CAMK2G: variants seen among roughly 807,000 people sequenced by gnomAD.
The protein encoded by CAMK2G is calcium/calmodulin dependent protein kinase II gamma, also known as calcium/calmodulin-dependent protein kinase type II subunit gamma.
Under a neutral mutation model 88.7 loss-of-function variants are expected in CAMK2G, and 23 were observed. The observed-to-expected ratio is 0.26, with a 90% CI of 0.19 to 0.37. CAMK2G has a LOEUF of 0.37. Among genes scored for constraint, CAMK2G ranks in the 10% least tolerant of loss-of-function variants. The pLI, the probability that CAMK2G is intolerant of heterozygous loss-of-function variation, is 1.00. For missense variants in CAMK2G, 476 were observed against 780.8 expected (o/e 0.61, Z 4.65); for synonymous variants, 263 against 294.8 (o/e 0.89, Z 1.11).
intron 1 of CAMK2G, 29 bp downstream of exon 1, chr10:73,874,368 G>A (rs1482685990): frequency 2.1e-6 from 3 of 1,455,584 alleles, no homozygotes; most frequent in East Asian, 2.8e-5. Flanking sequence ...CGGCAGGGCA[G>A]GCAGGGGACC....
At chr10:73,856,453 G>A (rs948018538) in intron 3 of CAMK2G, among the ~76,000 whole-genome samples, 2 of 152,216 alleles carry the variant, frequency 1.3e-5, no homozygotes, top group Non-Finnish European at 2.9e-5. Flanking sequence ...CCCGGAGCAG[G>A]CGAGGCTGTA....
chr10:73,817,169 T>A (rs1312568609), intron 20 of CAMK2G, 52 bp from the exon 21 acceptor site: 1 of 1,552,710 alleles, frequency 6.4e-7, no homozygotes, highest in Non-Finnish European at 8.7e-7. Flanking sequence ...GAGTGACTTG[T>A]CTTCCTTCCT....
rs1363908766 is a variant in CAMK2G at position 73,839,282 on chromosome 10, G to C, written c.1009+257C>G. On this transcript the variant is annotated intron_variant, in intron 13 of 22. Transcript: ENST00000423381. The surrounding 1 kb of genome is among the most constrained non-coding windows in gnomAD (Gnocchi z 4.2). Reference sequence around the variant, plus strand: ...CCCAGGGCATCGGGCTCTTGGCAAGGCTCCCGCTGCCCAGCTCCATGCCCC... The same window carrying C: ...CCCAGGGCATCGGGCTCTTGGCAAGCCTCCCGCTGCCCAGCTCCATGCCCC... Among the ~76,000 whole-genome samples, 2 of 152,212 alleles carry C rather than the reference G, an allele frequency of 1.3e-5. No individual in the cohort carries two copies. The highest frequency in any genetic ancestry group is 2.9e-5 in the Non-Finnish European group (2 of 68,018).
intron 12 of CAMK2G, among the ~76,000 whole-genome samples, chr10:73,841,003 C>A (rs2093734437): frequency 6.6e-6 from 1 of 152,218 alleles, no homozygotes; most frequent in South Asian, 2.1e-4. Flanking sequence ...ACCCATGACA[C>A]AAGATCAAGC....
Position 73,839,468 on chromosome 10 carries a change from G to A in CAMK2G, c.1009+71C>T, listed in dbSNP as rs1179570112. 4.5e-6 allele frequency: 4 copies of A among 886,614 alleles called. No individual in the cohort carries two copies. The highest frequency in any genetic ancestry group is 6.0e-6 in the Non-Finnish European group (4 of 672,076). 54.9% of individuals were successfully genotyped at this position (886,614 alleles called of 1,614,324 possible). On this transcript the variant is annotated intron_variant, in intron 13 of 22. Coordinates refer to ENST00000423381, the MANE Select transcript of CAMK2G (RefSeq NM_001367534.1). The surrounding 1 kb of genome is among the most constrained non-coding windows in gnomAD (Gnocchi z 4.2). ...ACTCGCCTCCCTGGTGAGTGGGCCC[G>A]GCATGCTGGCCCTCCTGGTGGGGTG...
At chr10:73,816,180 C>T in intron 21 of CAMK2G, 13 of 985,492 alleles carry the variant, frequency 1.3e-5, no homozygotes, top group Non-Finnish European at 1.6e-5. Flanking sequence ...GGTGATGATT[C>T]AGCTTCTTAT....
In CAMK2G at chr10:73,848,443, G is replaced by A; in HGVS notation, c.601+83C>T. On this transcript the variant is annotated intron_variant, in intron 8 of 22. Transcript: ENST00000423381. The surrounding 1 kb of genome is among the most constrained non-coding windows in gnomAD (Gnocchi z 4.5). ...CACCAGGCACGTGTGTGACCTGCAA[G>A]GAATAGCGATGCCTCTTTCTTGCCA... 1.1e-6 allele frequency: 1 copy of A among 904,868 alleles called. No homozygotes were observed. The highest frequency in any genetic ancestry group is 1.4e-5 in the South Asian group (1 of 72,470). 56.1% of individuals were successfully genotyped at this position (904,868 alleles called of 1,614,324 possible).
chr10:73,815,069 C>T lies in CAMK2G; in HGVS notation c.1713G>A (p.Lys571=), dbSNP rs892923377. ...AGCAGTGATAGTGGACATTGAGCCA[C>T]TTGCCATCCCGACGGTGCCAGACCC... ...ETRVWHRRDG[K]WLNVHYHCSG... is the part of the protein sequence containing the mutation. Residue 571 remains lysine (K), a synonymous_variant, in exon 22 of 23, where the codon AAG becomes AAA. Transcript: ENST00000423381. The T allele has an allele frequency of 6.2e-7, 1 of 1,614,220 alleles. No homozygotes were observed. The highest frequency in any genetic ancestry group is 2.2e-5 in the East Asian group (1 of 44,886).
rs2093600072 is a variant in CAMK2G, at chr10:73,839,635, C to T, written c.947-34G>A. 8.3e-7 allele frequency: 1 copy of T among 1,202,568 alleles called. No homozygotes were observed. Among genetic ancestry groups the T allele is most frequent in the Non-Finnish European group, 1.0e-6 (1 of 959,964 alleles). 74.5% of individuals were successfully genotyped at this position (1,202,568 alleles called of 1,614,324 possible). ...ATACAGTCTCTCAGTGCACAGAGCC[C>T]CGCAAAGCCACGGGGCCGTCAGCAG... On this transcript the variant is annotated intron_variant, in intron 12 of 22. Coordinates refer to ENST00000423381, the MANE Select transcript of CAMK2G (RefSeq NM_001367534.1). The surrounding 1 kb of genome is among the most constrained non-coding windows in gnomAD (Gnocchi z 4.2).
In CAMK2G at chr10:73,829,574, A is replaced by G. The variant is rs1364316290; in HGVS notation, c.1054-1453T>C. Reference sequence around the variant, plus strand: ...CTCGGCCTCCCAAAGTGCTGGGATTACAAGCGTGAGCCACCGCACACAGCC... The same window carrying G: ...CTCGGCCTCCCAAAGTGCTGGGATTGCAAGCGTGAGCCACCGCACACAGCC... On this transcript the variant is annotated intron_variant, in intron 14 of 22. Coordinates refer to ENST00000423381, the MANE Select transcript of CAMK2G (RefSeq NM_001367534.1). Among the ~76,000 whole-genome samples, 4 of 152,164 alleles carry G rather than the reference A, an allele frequency of 2.6e-5. No homozygotes were observed. In the East Asian group the frequency reaches 7.7e-4, roughly 29 times the overall value.
At chr10:73,870,691 G>A (rs528291876) in intron 2 of CAMK2G, among the ~76,000 whole-genome samples, 3 of 152,308 alleles carry the variant, frequency 2.0e-5, no homozygotes, top group South Asian at 2.1e-4. Context: ...GTGGGCCCAC[G>A]ACATTCCCAG....
chr10:73,872,026 C>A (rs1412418873), intron 2 of CAMK2G, among the ~76,000 whole-genome samples: 1 of 152,222 alleles, frequency 6.6e-6, no homozygotes, highest in Non-Finnish European at 1.5e-5. Flanking sequence ...TACTGCCCAG[C>A]CCTAATTCCT....
intron 2 of CAMK2G, among the ~76,000 whole-genome samples, chr10:73,869,791 T>C (rs1436478796): frequency 6.6e-6 from 1 of 152,254 alleles, no homozygotes; most frequent in Admixed American, 6.5e-5. Context: ...GTTAAAGTAT[T>C]ATAACAGATT....
In CAMK2G at chr10:73,821,716, G is replaced by A; in HGVS notation, c.1215C>T (p.Ser405=). 6.2e-7 allele frequency: 1 copy of A among 1,611,718 alleles called. No homozygotes were observed. The highest frequency in any genetic ancestry group is 8.5e-7 in the Non-Finnish European group (1 of 1,178,934). ...CCTCATCTTCTGTGGTGGTGTTGCA[G>A]CTCTCTGTGGAGCCCTGTAGGCCAA... is the stretch of plus-strand genomic sequence containing the variant. ...ATDGIKGSTE[S]CNTTTEDEDL... is the part of the protein sequence containing the mutation. The change falls in exon 18 of 23, where the codon AGC becomes AGT. Residue 405 remains serine (S), a synonymous_variant. Transcript: ENST00000423381.
At chr10:73,870,640 T>A (rs1297563178) in intron 2 of CAMK2G, among the ~76,000 whole-genome samples, 1 of 152,162 alleles carries the variant, frequency 6.6e-6, no homozygotes. Context: ...GAAGACCCAG[T>A]GAACACAGCA....
At chr10:73,863,031 G>C (rs747808845) in intron 2 of CAMK2G, among the ~76,000 whole-genome samples, 2 of 152,254 alleles carry the variant, frequency 1.3e-5, no homozygotes. Flanking sequence ...ACTCAGGACT[G>C]TCAGTGTGAG....
intron 2 of CAMK2G, among the ~76,000 whole-genome samples, chr10:73,872,024 A>G (rs1407968327): frequency 6.6e-6 from 1 of 152,220 alleles, no homozygotes; most frequent in Middle Eastern, 3.2e-3. Flanking sequence ...CCTACTGCCC[A>G]GCCCTAATTC....
rs764422370 is a variant in CAMK2G at position 73,847,967 on chromosome 10, G to T, written c.696+21C>A. ...GACATCTGCCCTTCCTGGCCTGGCT[G>T]CCCGGCTCTCTGGTCCTTACATCAT... On this transcript the variant is annotated intron_variant, in intron 9 of 22. Coordinates refer to ENST00000423381, the MANE Select transcript of CAMK2G (RefSeq NM_001367534.1). The T allele has an allele frequency of 4.7e-6, 7 of 1,477,446 alleles. No homozygotes were observed. The East Asian group carries it at 1.6e-4, about 33-fold the overall frequency. The allele number at this position is 1,477,446 out of a possible 1,614,324, so 91.5% of individuals were successfully genotyped here.
rs1458257825 is a variant in CAMK2G at position 73,820,490 on chromosome 10, A to ATT, written c.1250-846_1250-845insAA. Among the ~76,000 whole-genome samples the ATT allele has an allele frequency of 8.3e-3, 441 of 53,130 alleles. 4 individuals are homozygous for ATT. Among genetic ancestry groups the ATT allele is most frequent in the Non-Finnish European group, 9.8e-3 (329 of 33,698 alleles). The allele number at this position is 53,130 out of a possible 152,430, so 34.9% of individuals were successfully genotyped here. Reference sequence around the variant, plus strand: ...TATATATATATATATATATATATATATATTTTTTTTTTTTTTTTTTTCTTG... The same window carrying ATT: ...TATATATATATATATATATATATATATTTATTTTTTTTTTTTTTTTTTTCTTG... On this transcript the variant is annotated intron_variant, in intron 18 of 22. Coordinates refer to ENST00000423381, the MANE Select transcript of CAMK2G (RefSeq NM_001367534.1).
Sources: allele counts gnomAD v4.1 joint callset (sites outside exome capture counted in the v4.1 genomes callset), GRCh38; gene constraint gnomAD v4.1.1; non-coding constraint Gnocchi (gnomAD v3.1); transcripts MANE v1.5; gene names NCBI Gene and HGNC (gene_info 2026-07-23, HGNC 2026-07-21).